Variants in ZCCHC8 observed in about 807,000 individuals in gnomAD.
The protein encoded by ZCCHC8 is zinc finger CCHC domain-containing protein 8.
In ZCCHC8, 27 loss-of-function variants were observed where a neutral mutation model predicts 70.6. The observed-to-expected ratio is 0.38, with a 90% CI of 0.28 to 0.53. The LOEUF (loss-of-function observed/expected upper bound fraction) is 0.53, where lower values mean the gene tolerates loss of function less well. Ranked by LOEUF, ZCCHC8 falls within the 20% of genes least tolerant of loss-of-function variation. The pLI, the probability that ZCCHC8 is intolerant of heterozygous loss-of-function variation, is 0.81. For synonymous variants in ZCCHC8, 293 were observed against 317.4 expected (o/e 0.92, Z 0.82); for missense variants, 737 against 876.9 (o/e 0.84, Z 2.01).
At position 122,483,855 on chromosome 12, in the gene ZCCHC8, G is replaced by T; in HGVS notation, c.502-292C>A. On this transcript the variant is annotated intron_variant, in intron 5 of 13. Coordinates refer to ENST00000633063, the MANE Select transcript of ZCCHC8 (RefSeq NM_017612.5). The surrounding 1 kb of genome is among the most constrained non-coding windows in gnomAD (Gnocchi z 4.4). ...CTTGACTCTCATATTTCCCTCCAAT[G>T]CCCCATTTCATTGCTTCTCTTTGCA... 3.7e-6 allele frequency: 1 copy of T among 266,886 alleles called. No homozygotes were observed. Among genetic ancestry groups the T allele is most frequent in the Non-Finnish European group, 7.0e-6 (1 of 142,470 alleles). 16.5% of individuals were successfully genotyped at this position (266,886 alleles called of 1,614,324 possible).
At chr12:122,484,388 G>T (rs1364035311) in intron 5 of ZCCHC8, among the ~76,000 whole-genome samples, 1 of 149,516 alleles carries the variant, frequency 6.7e-6, no homozygotes, top group Non-Finnish European at 1.5e-5. Flanking sequence ...GTGAACCACT[G>T]CACCTGGCCT....
At chr12:122,480,445 A>G (rs1957509033) in intron 10 of ZCCHC8, 134 bp from the exon 11 acceptor site, 1 of 716,644 alleles carries the variant, frequency 1.4e-6, no homozygotes, top group Non-Finnish European at 2.0e-6. Context: ...AATTTTCATT[A>G]TAATTTTTCT....
chr12:122,497,829 C>G (rs1957849341), intron 2 of ZCCHC8, among the ~76,000 whole-genome samples: 1 of 150,898 alleles, frequency 6.6e-6, no homozygotes, highest in Non-Finnish European at 1.5e-5. Flanking sequence ...AGTAACACAG[C>G]AAGACCCTGA....
At chr12:122,497,898 A>G (rs1286355823) in intron 2 of ZCCHC8, among the ~76,000 whole-genome samples, 3 of 152,028 alleles carry the variant, frequency 2.0e-5, no homozygotes, top group Admixed American at 6.6e-5. Context: ...AGTCCCAGCT[A>G]TTTGGGAGGC....
chr12:122,492,470 G>A (rs979696964), intron 3 of ZCCHC8, among the ~76,000 whole-genome samples: 1 of 152,116 alleles, frequency 6.6e-6, no homozygotes, highest in Non-Finnish European at 1.5e-5. Context: ...GTGAAGTAAC[G>A]GATGATGCAG....
chr12:122,491,828 CA>C (rs11314331), intron 3 of ZCCHC8, among the ~76,000 whole-genome samples: 69,197 of 123,468 alleles, frequency 0.56, 17,117 homozygotes, highest in Non-Finnish European at 0.58. Context: ...AACTCCATCT[CA>C]AAAAAAAAAA....
At position 122,476,211 on chromosome 12, in the gene ZCCHC8, C is replaced by T. The variant is rs187148498; in HGVS notation, c.1345+1630G>A. Among the ~76,000 whole-genome samples the T allele has an allele frequency of 7.2e-5, 11 of 152,330 alleles. No individual in the cohort carries two copies. In the East Asian group the frequency reaches 2.1e-3, roughly 29 times the overall value. ...GAGAGTGGTAACTAGGGCAGCAATA[C>T]TGTCTTATTAAGCTTTCTGCCTCAG... On this transcript the variant is annotated intron_variant, in intron 13 of 13. Coordinates refer to ENST00000633063, the MANE Select transcript of ZCCHC8 (RefSeq NM_017612.5).
At chr12:122,482,446 A>G in intron 8 of ZCCHC8, 189 bp downstream of exon 8, 1 of 472,464 alleles carries the variant, frequency 2.1e-6, no homozygotes, top group East Asian at 3.2e-5. Flanking sequence ...ACTGTTTTAA[A>G]TTATTTACTG....
At position 122,473,220 on chromosome 12, in the gene ZCCHC8, C is replaced by T. The variant is rs571132412; in HGVS notation, c.*277G>A. ...GACAGATAAAAACCATCACTCTCGA[C>T]GGATAGTCACAATCCAAAAATAGTA... On this transcript the variant is annotated 3_prime_UTR_variant, in exon 14 of 14. Transcript: ENST00000633063. 4.1e-5 allele frequency: 15 copies of T among 362,782 alleles called. No homozygotes were observed. The highest frequency in any genetic ancestry group is 1.2e-4 in the Admixed American group (3 of 24,316). The allele number at this position is 362,782 out of a possible 1,614,324, so 22.5% of individuals were successfully genotyped here.
intron 3 of ZCCHC8, 94 bp downstream of exon 3, chr12:122,492,621 A>C (rs564593054): frequency 2.0e-5 from 17 of 832,912 alleles, no homozygotes; most frequent in African/African-American, 3.5e-5. Context: ...AAAATAATAA[A>C]AATGATATGA....
Position 122,500,364 on chromosome 12 carries a change from C to T in ZCCHC8, c.199+278G>A. On this transcript the variant is annotated intron_variant, in intron 1 of 13. Transcript: ENST00000633063. This position sits in a 1 kb window ranked among gnomAD's most constrained non-coding sequence, Gnocchi z 4.8. ...GTGTACAATCTGTCAGGTGAGCAGCCTAAAATAACCCTAAACACGGCACCC... is the reference window on the plus strand; with the variant it reads ...GTGTACAATCTGTCAGGTGAGCAGCTTAAAATAACCCTAAACACGGCACCC... 1 of 473,230 alleles carries T rather than the reference C, an allele frequency of 2.1e-6. No individual in the cohort carries two copies. 29.3% of individuals were successfully genotyped at this position (473,230 alleles called of 1,614,324 possible).
intron 2 of ZCCHC8, among the ~76,000 whole-genome samples, chr12:122,497,316 C>T (rs1957841720): frequency 6.6e-6 from 1 of 151,496 alleles, no homozygotes; most frequent in South Asian, 2.1e-4. Flanking sequence ...TTGAGGTGGA[C>T]AGATCACTCG....
At chr12:122,494,876 T>C (rs910385645) in intron 2 of ZCCHC8, among the ~76,000 whole-genome samples, 6 of 152,140 alleles carry the variant, frequency 3.9e-5, no homozygotes, top group Non-Finnish European at 8.8e-5. Context: ...TTTTTAAAAG[T>C]CACATGCAGC....
Position 122,500,890 on chromosome 12 carries a change from T to C in ZCCHC8, c.-50A>G, listed in dbSNP as rs1210997713. 2.6e-6 allele frequency: 4 copies of C among 1,539,362 alleles called. No individual in the cohort carries two copies. The highest frequency in any genetic ancestry group is 2.4e-5 in the South Asian group (2 of 83,754). ...AAGAGGCGGAGCCGGCCACCAGGGC[T>C]TGGGGAAGAAGGTTGGAAGGCGGCA... On this transcript the variant is annotated 5_prime_UTR_variant, in exon 1 of 14. Coordinates refer to ENST00000633063, the MANE Select transcript of ZCCHC8 (RefSeq NM_017612.5). This position sits in a 1 kb window ranked among gnomAD's most constrained non-coding sequence, Gnocchi z 4.8.
In ZCCHC8 at chr12:122,500,110, A is replaced by G. The variant is rs186291105; in HGVS notation, c.199+532T>C. The G allele has an allele frequency of 2.4e-3, 368 of 153,042 alleles. 4 individuals are homozygous for G. Among genetic ancestry groups the G allele is most frequent in the Non-Finnish European group, 3.6e-3 (244 of 68,448 alleles). 9.5% of individuals were successfully genotyped at this position (153,042 alleles called of 1,614,324 possible). A position where few individuals can be genotyped will look rare whatever the true frequency, so the allele number is the denominator to read the frequency against. ...TGGAAGAACTCTAAAATTAATCCCC[A>G]ATTTTAATCAAGCAATTAACCAATT... On this transcript the variant is annotated intron_variant, in intron 1 of 13. Coordinates refer to ENST00000633063, the MANE Select transcript of ZCCHC8 (RefSeq NM_017612.5). This position sits in a 1 kb window ranked among gnomAD's most constrained non-coding sequence, Gnocchi z 4.8.
chr12:122,488,956 G>A (rs1254262260), intron 5 of ZCCHC8, among the ~76,000 whole-genome samples: 1 of 151,950 alleles, frequency 6.6e-6, no homozygotes, highest in Non-Finnish European at 1.5e-5. Context: ...GGTATTGAAA[G>A]GCTGTAGCCT....
chr12:122,480,428 G>A, intron 10 of ZCCHC8, 117 bp from the exon 11 acceptor site: 1 of 866,476 alleles, frequency 1.2e-6, no homozygotes, highest in Non-Finnish European at 1.6e-6. Flanking sequence ...GTTTTGAAAT[G>A]GCTTTCAATT....
chr12:122,490,599 G>C, intron 3 of ZCCHC8, 32 bp from the exon 4 acceptor site: 1 of 1,413,562 alleles, frequency 7.1e-7, no homozygotes, highest in South Asian at 1.2e-5. Context: ...TCAGAACCCA[G>C]ACAGAGTAAA....
Position 122,483,314 on chromosome 12 carries a change from AG to A in ZCCHC8, c.635del (p.Ser212PhefsTer2). On this transcript the variant is annotated frameshift_variant, in exon 7 of 14. Transcript: ENST00000633063. LOFTEE classifies it high-confidence loss of function. The surrounding 1 kb of genome is among the most constrained non-coding windows in gnomAD (Gnocchi z 4.4). ...KYHQVFSHIV[S>X]LEGQEIQVKA... ...TTACTTGTATTTCTTGCCCTTCTAG[AG>A]AAACAATGTGGCTGAAGACTTGATG... is the stretch of plus-strand genomic sequence containing the variant. The A allele has an allele frequency of 6.2e-7, 1 of 1,600,942 alleles. No homozygotes were observed. The highest frequency in any genetic ancestry group is 8.5e-7 in the Non-Finnish European group (1 of 1,172,826).
Sources: allele counts gnomAD v4.1 joint callset (sites outside exome capture counted in the v4.1 genomes callset), GRCh38; gene constraint gnomAD v4.1.1; non-coding constraint Gnocchi (gnomAD v3.1); transcripts MANE v1.5; gene names NCBI Gene and HGNC (gene_info 2026-07-23, HGNC 2026-07-21).